Variants in KCNMB2 observed in about 807,000 individuals in gnomAD.
The protein encoded by KCNMB2 is calcium-activated potassium channel subunit beta-2.
In KCNMB2, 9 loss-of-function variants were observed where a neutral mutation model predicts 24.5. The ratio of observed to expected loss-of-function variants is 0.37; its 90% CI spans 0.22 to 0.64. The LOEUF is 0.64. Among genes scored for constraint, KCNMB2 ranks in the 30% least tolerant of loss-of-function variants. The probability of loss-of-function intolerance (pLI) is 0.63; values close to 1 mark genes in which losing one functional copy is unlikely to be tolerated. For synonymous variants in KCNMB2, 109 were observed against 104.4 expected, an observed-to-expected ratio of 1.04 and a Z score of -0.27; for missense variants, 226 against 284.3, an observed-to-expected ratio of 0.79 and a Z score of 1.47.
intron 1 of KCNMB2, among the ~76,000 whole-genome samples, chr3:178,731,679 G>A (rs555732984): frequency 6.6e-6 from 1 of 152,188 alleles, no homozygotes; most frequent in African/African-American, 2.4e-5. Context: ...CGAGGTGGGT[G>A]GATCTCCTGA....
At chr3:178,632,409 CTG>C (rs1436766113) in intron 1 of KCNMB2, among the ~76,000 whole-genome samples, 1 of 152,202 alleles carries the variant, frequency 6.6e-6, no homozygotes, top group East Asian at 1.9e-4. Context: ...CTCAGCATGA[CTG>C]GCGAGGACTC....
intron 1 of KCNMB2, among the ~76,000 whole-genome samples, chr3:178,630,594 TATAAGTA>T (rs1445626574): frequency 1.3e-5 from 2 of 152,264 alleles, no homozygotes; most frequent in Non-Finnish European, 2.9e-5. Flanking sequence ...TTCTGGTTTT[TATAAGTA>T]TACTGTGGGC....
At chr3:178,696,022 T>A (rs905850181) in intron 1 of KCNMB2, among the ~76,000 whole-genome samples, 4 of 152,218 alleles carry the variant, frequency 2.6e-5, no homozygotes, top group African/African-American at 9.6e-5. Flanking sequence ...ATAAGAGGTT[T>A]AATTGACTCA....
At chr3:178,726,931 T>C (rs890823881) in intron 1 of KCNMB2, among the ~76,000 whole-genome samples, 7 of 152,200 alleles carry the variant, frequency 4.6e-5, no homozygotes, top group African/African-American at 1.7e-4. Flanking sequence ...CTTTCATTGA[T>C]TTTTCCATTC....
chr3:178,737,521 T>G (rs1723357076), intron 1 of KCNMB2, among the ~76,000 whole-genome samples: 1 of 152,196 alleles, frequency 6.6e-6, no homozygotes, highest in Admixed American at 6.5e-5. Context: ...AAAATGAGAC[T>G]GAGGAATATC....
At chr3:178,701,005 G>C (rs1722072322) in intron 1 of KCNMB2, among the ~76,000 whole-genome samples, 1 of 152,132 alleles carries the variant, frequency 6.6e-6, no homozygotes, top group Non-Finnish European at 1.5e-5. Flanking sequence ...CATTGCTTTT[G>C]GTGTTTTAGA....
At chr3:178,616,818 A>G (rs974099593) in intron 1 of KCNMB2, among the ~76,000 whole-genome samples, 9 of 152,236 alleles carry the variant, frequency 5.9e-5, no homozygotes, top group Admixed American at 5.2e-4. Context: ...GTAAACTTCC[A>G]TGATATGCCT....
chr3:178,590,836 C>T (rs1717642713), intron 1 of KCNMB2, among the ~76,000 whole-genome samples: 1 of 152,180 alleles, frequency 6.6e-6, no homozygotes, highest in African/African-American at 2.4e-5. Context: ...ACTTTAATCA[C>T]TTTTTAAGGT....
intron 1 of KCNMB2, among the ~76,000 whole-genome samples, chr3:178,805,699 G>A (rs552876810): frequency 4.6e-5 from 7 of 151,996 alleles, no homozygotes; most frequent in East Asian, 1.9e-4. Flanking sequence ...ACACAACCAC[G>A]GCTCACTGCA....
rs542273505 is a variant in KCNMB2, at chr3:178,707,108, G to A, written c.-67-100235G>A. ...GAGACAGAAGGAGAAAGGCCTAAGG[G>A]AGGATATGAGTGGCAAGTGATACTT... is the stretch of plus-strand genomic sequence containing the variant. On this transcript the variant is annotated intron_variant, in intron 1 of 4. Coordinates refer to ENST00000452583, the MANE Select transcript of KCNMB2 (RefSeq NM_181361.3). 2.0e-5 allele frequency among the ~76,000 whole-genome samples: 3 copies of A among 152,270 alleles called. No individual in the cohort carries two copies. In the South Asian group the frequency reaches 6.2e-4, roughly 32 times the overall value.
intron 1 of KCNMB2, among the ~76,000 whole-genome samples, chr3:178,647,332 T>C (rs1719955510): frequency 6.6e-6 from 1 of 152,354 alleles, no homozygotes; most frequent in African/African-American, 2.4e-5. Context: ...CATATTTCTC[T>C]TTTTAATTCT....
At chr3:178,713,890 A>G (rs1399055204) in intron 1 of KCNMB2, among the ~76,000 whole-genome samples, 1 of 152,208 alleles carries the variant, frequency 6.6e-6, no homozygotes, top group Admixed American at 6.5e-5. Flanking sequence ...AGCCCCTGGA[A>G]TGCATGAATC....
Position 178,662,287 on chromosome 3 carries a change from A to T in KCNMB2, c.-68+125576A>T, listed in dbSNP as rs576692284. 4.1e-3 allele frequency among the ~76,000 whole-genome samples: 623 copies of T among 152,272 alleles called. 3 individuals carry two copies. The highest frequency in any genetic ancestry group is 7.2e-3 in the Non-Finnish European group (488 of 68,024). On this transcript the variant is annotated intron_variant, in intron 1 of 4. Coordinates refer to ENST00000452583, the MANE Select transcript of KCNMB2 (RefSeq NM_181361.3). ...TCTCATTTACTCAGCTTTATCCAAC[A>T]TCAAAAACTATTCAAGGAGCCATGT...
intron 1 of KCNMB2, among the ~76,000 whole-genome samples, chr3:178,693,018 A>G (rs1721741450): frequency 6.6e-6 from 1 of 152,142 alleles, no homozygotes; most frequent in African/African-American, 2.4e-5. Flanking sequence ...GCAATTGTGA[A>G]TGGGGCTACA....
chr3:178,790,919 T>G (rs1483647924), intron 1 of KCNMB2, among the ~76,000 whole-genome samples: 1 of 152,270 alleles, frequency 6.6e-6, no homozygotes, highest in Non-Finnish European at 1.5e-5. Context: ...TATCCCATAA[T>G]GCAGATACAG....
In KCNMB2 at chr3:178,723,596, G is replaced by A. The variant is rs1055685151; in HGVS notation, c.-67-83747G>A. ...CTAAGGATCCTGTTGCCTAAGTAGT[G>A]AATATAGTACCTGATAGGTAGTTTT... On this transcript the variant is annotated intron_variant, in intron 1 of 4. Coordinates refer to ENST00000452583, the MANE Select transcript of KCNMB2 (RefSeq NM_181361.3). 3.9e-5 allele frequency among the ~76,000 whole-genome samples: 6 copies of A among 152,188 alleles called. No individual in the cohort carries two copies. In the East Asian group the frequency reaches 1.2e-3, roughly 29 times the overall value.
At chr3:178,629,966 A>C (rs1205589450) in intron 1 of KCNMB2, among the ~76,000 whole-genome samples, 3 of 152,238 alleles carry the variant, frequency 2.0e-5, no homozygotes, top group Non-Finnish European at 4.4e-5. Flanking sequence ...TGTTTAATGT[A>C]CTGCCAATGT....
intron 1 of KCNMB2, chr3:178,749,294 G>A (rs764543120): frequency 6.6e-6 from 1 of 152,168 alleles, no homozygotes; most frequent in Non-Finnish European, 1.5e-5. Context: ...TCTCATGAGA[G>A]ACGTTTTGTA....
In KCNMB2 at chr3:178,662,736, A is replaced by ATAT. The variant is rs1577080624; in HGVS notation, c.-68+126025_-68+126026insTAT. Among the ~76,000 whole-genome samples the ATAT allele has an allele frequency of 2.6e-5, 4 of 152,230 alleles. No homozygotes were observed. The East Asian group carries it at 5.8e-4, about 22-fold the overall frequency. On this transcript the variant is annotated intron_variant, in intron 1 of 4. Coordinates refer to ENST00000452583, the MANE Select transcript of KCNMB2 (RefSeq NM_181361.3). ...TACTAATTTAATGATTTTTAATTAT[A>ATAT]ATAATTCCTGATATAAAATATAATT...
Sources: allele counts gnomAD v4.1 joint callset (sites outside exome capture counted in the v4.1 genomes callset), GRCh38; gene constraint gnomAD v4.1.1; transcripts MANE v1.5; gene names NCBI Gene and HGNC (gene_info 2026-07-23, HGNC 2026-07-21).